The following ACER1 variants were observed in gnomAD, a reference collection of about 807,000 sequenced individuals.
ACER1 encodes CTB-180A7.3.
Under a neutral mutation model 24.9 loss-of-function variants are expected in ACER1, and 28 were observed. That is an observed-to-expected ratio of 1.13 (90% CI 0.83 to 1.54). The LOEUF is 1.54. Among genes scored for constraint, ACER1 ranks in the 40% most tolerant of loss-of-function variants. ACER1 has a pLI of 0.00. For missense variants in ACER1, 352 were observed against 349.3 expected, an observed-to-expected ratio of 1.01 and a Z score of -0.06; for synonymous variants, 132 against 131.4, an observed-to-expected ratio of 1.00 and a Z score of -0.03.
chr19:6,311,480 T>C (rs2091579864), intron 3 of ACER1, among the ~76,000 whole-genome samples: 1 of 151,722 alleles, frequency 6.6e-6, no homozygotes, highest in South Asian at 2.1e-4. Context: ...AGGCAGAGGC[T>C]GCAGTGAGCC....
chr19:6,310,876 T>TAAA (rs5826928), intron 3 of ACER1, among the ~76,000 whole-genome samples: 1 of 122,114 alleles, frequency 8.2e-6, no homozygotes. Context: ...AGACTTCATC[T>TAAA]AAAAAAAAAA....
At chr19:6,336,258 G>T (rs761599092), upstream of ACER1, among the ~76,000 whole-genome samples, 1 of 151,560 alleles carries the variant, frequency 6.6e-6, no homozygotes, top group African/African-American at 2.4e-5. Context: ...GTGCAGTGGC[G>T]CAATCATAGT....
At chr19:6,341,225 G>A in the ACER1 span, among the ~76,000 whole-genome samples, 10 of 148,502 alleles carry the variant, frequency 6.7e-5, no homozygotes, top group South Asian at 2.2e-4. Context: ...CAGGAGAATC[G>A]CTTGAACCCA....
chr19:6,333,596 A>G lies in ACER1; in HGVS notation c.-45T>C. 13 of 1,515,778 alleles carry G rather than the reference A, an allele frequency of 8.6e-6. No homozygotes were observed. Among genetic ancestry groups the G allele is most frequent in the Non-Finnish European group, 1.2e-5 (13 of 1,119,520 alleles). The allele number at this position is 1,515,778 out of a possible 1,614,324, so 93.9% of individuals were successfully genotyped here. A position where few individuals can be genotyped will look rare whatever the true frequency, so the allele number is the denominator to read the frequency against. On this transcript the variant is annotated 5_prime_UTR_variant, in exon 1 of 6. Coordinates refer to ENST00000301452, the MANE Select transcript of ACER1 (RefSeq NM_133492.3). Reference sequence around the variant, plus strand: ...CCAGCCGGCTGCGCCCGGCAGAGAGAAGGCGAGCTTGGGAAGGCTGGGCCC... The same window carrying G: ...CCAGCCGGCTGCGCCCGGCAGAGAGGAGGCGAGCTTGGGAAGGCTGGGCCC...
intron 1 of ACER1, among the ~76,000 whole-genome samples, chr19:6,331,989 G>A (rs1277318483): frequency 5.6e-5 from 8 of 141,726 alleles, no homozygotes; most frequent in South Asian, 2.2e-4. Context: ...TTTTTGAGAC[G>A]AAGTCTCGCT....
Position 6,307,309 on chromosome 19 carries a change from G to A in ACER1, c.489-19C>T. 6.2e-7 allele frequency: 1 copy of A among 1,613,102 alleles called. No individual in the cohort carries two copies. The highest frequency in any genetic ancestry group is 2.2e-5 in the East Asian group (1 of 44,866). On this transcript the variant is annotated intron_variant, in intron 4 of 5. Coordinates refer to ENST00000301452, the MANE Select transcript of ACER1 (RefSeq NM_133492.3). ...GCTGGTCCTAGAGAGGGGAGAGGGG[G>A]ACCAGGGGCTGGCTCGGAGAGCAGC...
chr19:6,341,724 G>C, the ACER1 span, among the ~76,000 whole-genome samples: 3 of 151,934 alleles, frequency 2.0e-5, no homozygotes, highest in South Asian at 4.2e-4. Context: ...TGACTACTGG[G>C]TTCAAGCGAT....
the ACER1 span, chr19:6,343,874 C>G: frequency 1.3e-5 from 2 of 152,286 alleles, no homozygotes; most frequent in African/African-American, 2.4e-5. Context: ...CTACAACCAG[C>G]AACTCATCTC....
intron 3 of ACER1, among the ~76,000 whole-genome samples, chr19:6,311,555 A>AAGGAGG (rs763051777): frequency 6.6e-6 from 1 of 150,944 alleles, no homozygotes; most frequent in Non-Finnish European, 1.5e-5. Context: ...AAGGAAGAAG[A>AAGGAGG]AGGAGGAGGA....
rs1415911579 is a variant in ACER1, at chr19:6,314,339, G to A, written c.94-1840C>T. Among the ~76,000 whole-genome samples, 3 of 151,100 alleles carry A rather than the reference G, an allele frequency of 2.0e-5. No individual in the cohort carries two copies. In the Admixed American group the frequency reaches 2.0e-4, roughly 10 times the overall value. ...CAAAAAAATAGCTGGGTGTAGTGGT[G>A]GGTGCCTGTAATCCCAGCTACTTGG... On this transcript the variant is annotated intron_variant, in intron 1 of 5. Transcript: ENST00000301452.
At chr19:6,340,499 C>T in the ACER1 span, among the ~76,000 whole-genome samples, 1 of 152,152 alleles carries the variant, frequency 6.6e-6, no homozygotes, top group East Asian at 1.9e-4. Flanking sequence ...ACAGACACCA[C>T]CACTGCCACC....
At chr19:6,350,190 G>T in the ACER1 span, among the ~76,000 whole-genome samples, 1 of 133,980 alleles carries the variant, frequency 7.5e-6, no homozygotes, top group Non-Finnish European at 1.6e-5. Flanking sequence ...GGAAGGGTCC[G>T]GGCGTGGTGG....
At chr19:6,340,782 G>A in the ACER1 span, among the ~76,000 whole-genome samples, 3 of 152,044 alleles carry the variant, frequency 2.0e-5, no homozygotes, top group Non-Finnish European at 4.4e-5. Flanking sequence ...GGTGGGAGCC[G>A]GGGGAGAGCT....
chr19:6,317,121 G>A (rs1023539251), intron 1 of ACER1, among the ~76,000 whole-genome samples: 26 of 151,524 alleles, frequency 1.7e-4, no homozygotes, highest in African/African-American at 5.8e-4. Context: ...CTACAGGCGC[G>A]TGCCACCATA....
At chr19:6,307,747 C>T (rs1032916413) in intron 4 of ACER1, among the ~76,000 whole-genome samples, 1 of 151,974 alleles carries the variant, frequency 6.6e-6, no homozygotes, top group East Asian at 1.9e-4. Flanking sequence ...GCCGTGATTG[C>T]GCCGCTGCAC....
the ACER1 span, among the ~76,000 whole-genome samples, chr19:6,357,042 CTT>C: frequency 2.9e-3 from 362 of 124,454 alleles, 2 homozygotes; most frequent in African/African-American, 0.011. Flanking sequence ...TGAGCTGAGA[CTT>C]TTTTTTTTTT....
chr19:6,322,161 T>C (rs2091634006), intron 1 of ACER1, among the ~76,000 whole-genome samples: 1 of 152,180 alleles, frequency 6.6e-6, no homozygotes, highest in East Asian at 1.9e-4. Flanking sequence ...TGCATGTAAT[T>C]ATCCAACTTA....
chr19:6,331,766 C>A lies in ACER1; in HGVS notation c.93+1693G>T, dbSNP rs963198965. Among the ~76,000 whole-genome samples the A allele has an allele frequency of 5.9e-5, 9 of 151,484 alleles. 1 individual carries two copies. The highest frequency in any genetic ancestry group is 9.7e-5 in the African/African-American group (4 of 41,118). On this transcript the variant is annotated intron_variant, in intron 1 of 5. Coordinates refer to ENST00000301452, the MANE Select transcript of ACER1 (RefSeq NM_133492.3). ...CCGAGATCGCGCCATTACATTCCAGCCTAGGTGACAAAGCGAGACTCCGTT... is the reference window on the plus strand; with the variant it reads ...CCGAGATCGCGCCATTACATTCCAGACTAGGTGACAAAGCGAGACTCCGTT...
the ACER1 span, among the ~76,000 whole-genome samples, chr19:6,341,887 C>T: frequency 1.3e-5 from 2 of 152,144 alleles, no homozygotes; most frequent in African/African-American, 4.8e-5. Context: ...CCTTGGCCTC[C>T]CAAAGTGCTA....
Sources: gnomAD v4.1 joint callset for allele counts (sites outside exome capture counted in the v4.1 genomes callset) on GRCh38, gnomAD v4.1.1 for gene constraint, MANE v1.5 for transcripts, NCBI Gene and HGNC (gene_info 2026-07-23, HGNC 2026-07-21) for gene names.